Variants in TBC1D5 observed in about 807,000 individuals in gnomAD.
The protein encoded by TBC1D5 is TBC1 domain family member 5.
Under a neutral mutation model 100.3 loss-of-function variants are expected in TBC1D5, and 75 were observed. The observed-to-expected ratio is 0.75, with a 90% confidence interval of 0.62 to 0.91. The LOEUF is 0.91. Ranked by LOEUF, TBC1D5 falls within the 40% of genes least tolerant of loss-of-function variation. The probability of loss-of-function intolerance (pLI) is 0.00; values close to 1 mark genes in which losing one functional copy is unlikely to be tolerated. For synonymous variants in TBC1D5, 323 were observed against 325.6 expected (o/e 0.99, Z 0.09); for missense variants, 910 against 942.4 (o/e 0.97, Z 0.45).
intron 13 of TBC1D5, among the ~76,000 whole-genome samples, chr3:17,362,714 T>C (rs573102866): frequency 6.6e-6 from 1 of 152,276 alleles, no homozygotes; most frequent in East Asian, 1.9e-4. Context: ...TCAAGTGATC[T>C]GCCCGCCTCG....
chr3:17,602,121 G>A (rs1165504317), intron 2 of TBC1D5, among the ~76,000 whole-genome samples: 1 of 152,200 alleles, frequency 6.6e-6, no homozygotes, highest in Non-Finnish European at 1.5e-5. Context: ...GTAAGCCATT[G>A]CGCCCGGCCA....
intron 15 of TBC1D5, 97 bp downstream of exon 15, chr3:17,291,798 T>C: frequency 8.9e-7 from 1 of 1,129,170 alleles, no homozygotes; most frequent in South Asian, 1.5e-5. Context: ...TCATCTACCA[T>C]TAGGCAAATT....
At chr3:17,559,146 T>A (rs1410460064) in intron 2 of TBC1D5, among the ~76,000 whole-genome samples, 1 of 149,996 alleles carries the variant, frequency 6.7e-6, no homozygotes, top group Non-Finnish European at 1.5e-5. Context: ...TATATAAATG[T>A]AAAACTTTTT....
intron 17 of TBC1D5, among the ~76,000 whole-genome samples, chr3:17,233,439 T>C (rs2075590137): frequency 2.6e-5 from 4 of 152,146 alleles, no homozygotes; most frequent in Admixed American, 2.0e-4. Context: ...GAATCATATT[T>C]TGCAAAGAGG....
chr3:17,185,206 T>G, exon 19 of TBC1D5: 1 of 1,612,482 alleles, frequency 6.2e-7, no homozygotes, highest in Non-Finnish European at 8.5e-7. Flanking sequence ...CTAATTCTTC[T>G]TCCTAAAATA....
At chr3:17,406,139 T>C (rs542797584) in intron 5 of TBC1D5, among the ~76,000 whole-genome samples, 87 of 152,214 alleles carry the variant, frequency 5.7e-4, no homozygotes, top group Non-Finnish European at 9.0e-4. Context: ...CAAGAGCCTC[T>C]GGGGAGTGTA....
chr3:17,362,049 T>C (rs1041844053), intron 13 of TBC1D5, among the ~76,000 whole-genome samples: 2 of 152,226 alleles, frequency 1.3e-5, no homozygotes, highest in African/African-American at 4.8e-5. Context: ...GGAGAAAGGG[T>C]AGTCTTTCCA....
At chr3:17,223,863 C>T (rs1377215152) in intron 17 of TBC1D5, among the ~76,000 whole-genome samples, 1 of 151,896 alleles carries the variant, frequency 6.6e-6, no homozygotes, top group African/African-American at 2.4e-5. Context: ...CCACTGCCTT[C>T]CAGCCTGGGT....
At chr3:17,352,405 T>G (rs995787833) in intron 13 of TBC1D5, among the ~76,000 whole-genome samples, 1 of 151,994 alleles carries the variant, frequency 6.6e-6, no homozygotes, top group Non-Finnish European at 1.5e-5. Flanking sequence ...AAATAAACCT[T>G]CTAATTGCCT....
intron 4 of TBC1D5, among the ~76,000 whole-genome samples, chr3:17,421,842 C>A (rs987880283): frequency 4.6e-5 from 7 of 152,218 alleles, no homozygotes; most frequent in African/African-American, 1.7e-4. Flanking sequence ...CAAATTGATT[C>A]CCTAAATCAT....
chr3:17,482,714 A>T (rs1481574643), intron 3 of TBC1D5, among the ~76,000 whole-genome samples: 1 of 152,234 alleles, frequency 6.6e-6, no homozygotes, highest in Admixed American at 6.5e-5. Flanking sequence ...TAGAGAAAGA[A>T]TAATTTTAAA....
At chr3:17,283,932 C>G (rs969770183) in intron 15 of TBC1D5, among the ~76,000 whole-genome samples, 1 of 152,060 alleles carries the variant, frequency 6.6e-6, no homozygotes, top group Non-Finnish European at 1.5e-5. Flanking sequence ...ATTTGCTATT[C>G]CCCTTCCTGG....
exon 22 of TBC1D5, chr3:17,158,253 G>A (rs1195161927): frequency 6.6e-6 from 1 of 152,134 alleles, no homozygotes; most frequent in Non-Finnish European, 1.5e-5. Flanking sequence ...TGATGATGAT[G>A]GGAATTAATC....
Position 17,404,688 on chromosome 3 carries a change from CT to C in TBC1D5, c.441+5del. On this transcript the variant is annotated splice_donor_5th_base_variant and intron_variant, in intron 7 of 21. Transcript: ENST00000253692. ...AGGTTAAGACATGAACAAAGACGAA[CT>C]TTACCCCTTCATCCTGTGAAAGAGG... 6.3e-7 allele frequency: 1 copy of C among 1,594,340 alleles called. No individual in the cohort carries two copies. The highest frequency in any genetic ancestry group is 1.1e-5 in the South Asian group (1 of 87,344).
At chr3:17,384,526 A>G (rs1435464876) in intron 8 of TBC1D5, among the ~76,000 whole-genome samples, 1 of 152,040 alleles carries the variant, frequency 6.6e-6, no homozygotes, top group Non-Finnish European at 1.5e-5. Context: ...AAACACCACA[A>G]CTGCAAGAAC....
At chr3:17,674,643 A>G (rs1359985620) in intron 1 of TBC1D5, among the ~76,000 whole-genome samples, 3 of 152,202 alleles carry the variant, frequency 2.0e-5, no homozygotes, top group Non-Finnish European at 4.4e-5. Context: ...CAACATTTTT[A>G]AAGTTCATAC....
exon 1 of TBC1D5, chr3:17,740,037 G>A (rs908281833): frequency 6.6e-6 from 1 of 151,596 alleles, no homozygotes; most frequent in African/African-American, 2.4e-5. Flanking sequence ...AAGGTAGGCC[G>A]AGCACAGTGG....
At chr3:17,512,506 A>C (rs1161237810) in intron 2 of TBC1D5, among the ~76,000 whole-genome samples, 2 of 152,308 alleles carry the variant, frequency 1.3e-5, no homozygotes, top group East Asian at 3.9e-4. Flanking sequence ...GCCTCTTAGT[A>C]GATGACTACT....
At chr3:17,654,570 TA>T (rs1209016804) in intron 1 of TBC1D5, among the ~76,000 whole-genome samples, 2 of 152,246 alleles carry the variant, frequency 1.3e-5, no homozygotes, top group Non-Finnish European at 1.5e-5. Flanking sequence ...GCCAGTATTT[TA>T]TTGAGGATTT....
Sources: gnomAD v4.1 joint callset for allele counts (sites outside exome capture counted in the v4.1 genomes callset) on GRCh38, gnomAD v4.1.1 for gene constraint, MANE v1.5 for transcripts, NCBI Gene and HGNC (gene_info 2026-07-23, HGNC 2026-07-21) for gene names.